The following PIP5K1C variants were observed in gnomAD, a reference collection of about 807,000 sequenced individuals.
PIP5K1C encodes the protein phosphatidylinositol 4-phosphate 5-kinase type-1 gamma.
In PIP5K1C, 45 loss-of-function variants were observed where a neutral mutation model predicts 80.1. That is an observed-to-expected ratio of 0.56 (90% CI 0.44 to 0.72). PIP5K1C has a LOEUF of 0.72. Among genes scored for constraint, PIP5K1C ranks in the 30% least tolerant of loss-of-function variants. The pLI is 0.00. For synonymous variants in PIP5K1C, 498 were observed against 420.1 expected (o/e 1.19, Z -2.27); for missense variants, 753 against 954.6 (o/e 0.79, Z 2.78).
chr19:3,664,216 C>T (rs976211782), intron 3 of PIP5K1C, among the ~76,000 whole-genome samples: 2 of 152,158 alleles, frequency 1.3e-5, no homozygotes, highest in African/African-American at 2.4e-5. Flanking sequence ...GGCTGGGAGT[C>T]GGGATGGGGG....
chr19:3,657,271 G>A (rs1390260785), intron 5 of PIP5K1C, among the ~76,000 whole-genome samples: 1 of 152,210 alleles, frequency 6.6e-6, no homozygotes, highest in East Asian at 1.9e-4. Context: ...GGTCCGTGCA[G>A]GTGGAAGTTT....
intron 1 of PIP5K1C, among the ~76,000 whole-genome samples, chr19:3,682,075 T>C (rs1252284742): frequency 6.6e-6 from 1 of 151,910 alleles, no homozygotes; most frequent in East Asian, 1.9e-4. Context: ...CTAACATTTC[T>C]TAGAAAAGGC....
chr19:3,637,099 G>A lies in PIP5K1C; in HGVS notation c.1920+1785C>T. ...GCCCTGCGGTTCAGAGCCCGGCCCT[G>A]CAGCCACTCTGCTGACCTGTGCAAC... On this transcript the variant is annotated intron_variant, in intron 16 of 17. Transcript: ENST00000335312. This position sits in a 1 kb window ranked among gnomAD's most constrained non-coding sequence, Gnocchi z 7.0. 4 of 1,300,004 alleles carry A rather than the reference G, an allele frequency of 3.1e-6. No individual in the cohort carries two copies. The highest frequency in any genetic ancestry group is 3.7e-5 in the East Asian group (1 of 27,248). 80.5% of individuals were successfully genotyped at this position (1,300,004 alleles called of 1,614,324 possible).
At chr19:3,660,335 G>A (rs1016071641) in intron 5 of PIP5K1C, among the ~76,000 whole-genome samples, 18 of 151,478 alleles carry the variant, frequency 1.2e-4, no homozygotes, top group Non-Finnish European at 2.2e-4. Context: ...AGCCGAGATC[G>A]CACCACTGCA....
At position 3,637,369 on chromosome 19, in the gene PIP5K1C, G is replaced by C. The variant is rs1268053024; in HGVS notation, c.1920+1515C>G. The C allele has an allele frequency of 7.2e-6, 11 of 1,535,430 alleles. No individual in the cohort carries two copies. Among genetic ancestry groups the C allele is most frequent in the Non-Finnish European group, 9.6e-6 (11 of 1,146,748 alleles). ...CAGTGACGCATGCAGCCCAGCGCCTGGTCCGGGGCCAGCGTGGCTGACCTC... is the reference window on the plus strand; with the variant it reads ...CAGTGACGCATGCAGCCCAGCGCCTCGTCCGGGGCCAGCGTGGCTGACCTC... On this transcript the variant is annotated intron_variant, in intron 16 of 17. Coordinates refer to ENST00000335312, the MANE Select transcript of PIP5K1C (RefSeq NM_012398.3). This position sits in a 1 kb window ranked among gnomAD's most constrained non-coding sequence, Gnocchi z 7.0.
chr19:3,699,312 C>T (rs2036222583), intron 1 of PIP5K1C, among the ~76,000 whole-genome samples: 1 of 138,426 alleles, frequency 7.2e-6, no homozygotes, highest in South Asian at 2.2e-4. Context: ...GGAGGGAAGC[C>T]ACGAGTGTCT....
At chr19:3,641,891 G>C in intron 14 of PIP5K1C, 82 bp from the exon 15 acceptor site, 1 of 1,128,458 alleles carries the variant, frequency 8.9e-7, no homozygotes, top group Non-Finnish European at 1.3e-6. Context: ...TGAACTCCAG[G>C]GCCAGTCCCA....
intron 6 of PIP5K1C, 138 bp from the exon 7 acceptor site, chr19:3,653,727 C>T (rs1474450965): frequency 5.1e-6 from 4 of 779,212 alleles, no homozygotes; most frequent in East Asian, 2.7e-5. Flanking sequence ...CCTCGGGGAC[C>T]CCGTTCCTAT....
At chr19:3,642,836 CGGGAAACGGAGCT>C in intron 14 of PIP5K1C, 58 bp downstream of exon 14, 1 of 1,260,916 alleles carries the variant, frequency 7.9e-7, no homozygotes, top group Non-Finnish European at 1.2e-6. Flanking sequence ...GGCTGGGGGG[CGGGAAACGGAGCT>C]GGGAGCTGTG....
At chr19:3,667,025 C>T (rs1000813273) in intron 2 of PIP5K1C, among the ~76,000 whole-genome samples, 11 of 151,412 alleles carry the variant, frequency 7.3e-5, no homozygotes, top group African/African-American at 2.4e-4. Flanking sequence ...CCAGGCTCCA[C>T]GTGGCCTGGA....
At position 3,692,821 on chromosome 19, in the gene PIP5K1C, C is replaced by T. The variant is rs758485372; in HGVS notation, c.94+7476G>A. Among the ~76,000 whole-genome samples the T allele has an allele frequency of 3.9e-5, 6 of 152,044 alleles. No individual in the cohort carries two copies. The highest frequency in any genetic ancestry group is 8.8e-5 in the Non-Finnish European group (6 of 67,982). On this transcript the variant is annotated intron_variant, in intron 1 of 17. Coordinates refer to ENST00000335312, the MANE Select transcript of PIP5K1C (RefSeq NM_012398.3). The surrounding 1 kb of genome is among the most constrained non-coding windows in gnomAD (Gnocchi z 5.2). ...AAGGCCCTGCACACCCTGCCCCGTCCCCTCCCTGCCCTCCCCTCCTCACTG... is the reference window on the plus strand; with the variant it reads ...AAGGCCCTGCACACCCTGCCCCGTCTCCTCCCTGCCCTCCCCTCCTCACTG...
chr19:3,644,080 C>A lies in PIP5K1C; in HGVS notation c.1510+7G>T. 6 of 1,610,464 alleles carry A rather than the reference C, an allele frequency of 3.7e-6. No individual in the cohort carries two copies. The highest frequency in any genetic ancestry group is 5.1e-6 in the Non-Finnish European group (6 of 1,179,810). On this transcript the variant is annotated splice_region_variant and intron_variant, in intron 12 of 17. Transcript: ENST00000335312. ...CCCACAAGCGCACTCTGCCCTCTGC[C>A]CCTCACCTTCGTCCTCCAGCGTGGG...
chr19:3,674,965 A>G (rs538140783), intron 1 of PIP5K1C, among the ~76,000 whole-genome samples: 201 of 152,336 alleles, frequency 1.3e-3, no homozygotes, highest in African/African-American at 4.6e-3. Context: ...CACCTTGAAG[A>G]CGTCACACTC....
At chr19:3,682,718 A>G (rs1486531494) in intron 1 of PIP5K1C, among the ~76,000 whole-genome samples, 1 of 152,060 alleles carries the variant, frequency 6.6e-6, no homozygotes, top group Non-Finnish European at 1.5e-5. Context: ...AAAAATAAAG[A>G]GCAGAAGCTC....
chr19:3,654,146 C>T (rs1465946980), intron 6 of PIP5K1C, among the ~76,000 whole-genome samples: 1 of 152,212 alleles, frequency 6.6e-6, no homozygotes. Context: ...GGACTCCAGG[C>T]GTGAGCCCAG....
intron 1 of PIP5K1C, among the ~76,000 whole-genome samples, chr19:3,679,446 G>T (rs962210045): frequency 1.3e-5 from 2 of 152,178 alleles, no homozygotes; most frequent in African/African-American, 2.4e-5. Context: ...CTTCCTACCC[G>T]CCTTGCATCC....
rs1410866041 is a variant in PIP5K1C, at chr19:3,692,059, C to A, written c.94+8238G>T. Among the ~76,000 whole-genome samples, 1 of 152,208 alleles carries A rather than the reference C, an allele frequency of 6.6e-6. No homozygotes were observed. Among genetic ancestry groups the A allele is most frequent in the African/African-American group, 2.4e-5 (1 of 41,438 alleles). ...GCACGGGAAGGGTGCACAGTGGGAG[C>A]TGCCCGCTCACGTCCCTGTCCCCAC... On this transcript the variant is annotated intron_variant, in intron 1 of 17. Transcript: ENST00000335312. The surrounding 1 kb of genome is among the most constrained non-coding windows in gnomAD (Gnocchi z 5.2).
rs1053145661 is a variant in PIP5K1C, at chr19:3,638,752, ATGTG to A, written c.1920+128_1920+131del. 4 of 1,125,280 alleles carry A rather than the reference ATGTG, an allele frequency of 3.6e-6. No individual in the cohort carries two copies. In the African/African-American group the frequency reaches 6.3e-5, roughly 18 times the overall value. 69.7% of individuals were successfully genotyped at this position (1,125,280 alleles called of 1,614,324 possible). Reference sequence around the variant, plus strand: ...TGAGAGTGCTGGCTGGTGAGAGAGCATGTGGGTGGGTCGACAGGGCACACTCACG... The same window carrying A: ...TGAGAGTGCTGGCTGGTGAGAGAGCAGGTGGGTCGACAGGGCACACTCACG... On this transcript the variant is annotated intron_variant, in intron 16 of 17. Transcript: ENST00000335312.
chr19:3,668,980 C>T (rs553730502), intron 1 of PIP5K1C, among the ~76,000 whole-genome samples: 5 of 152,270 alleles, frequency 3.3e-5, no homozygotes, highest in African/African-American at 9.6e-5. Context: ...TGTTGGATTC[C>T]GATGCTGGCA....
Sources: gnomAD v4.1 joint callset for allele counts (sites outside exome capture counted in the v4.1 genomes callset) on GRCh38, gnomAD v4.1.1 for gene constraint, Gnocchi (gnomAD v3.1) non-coding constraint, MANE v1.5 for transcripts, NCBI Gene and HGNC (gene_info 2026-07-23, HGNC 2026-07-21) for gene names.